DPY19L1: variants seen among roughly 807,000 people sequenced by gnomAD.
The protein encoded by DPY19L1 is dpy-19 like C-mannosyltransferase 1, also known as protein C-mannosyl-transferase DPY19L1.
In DPY19L1, 35 loss-of-function variants were observed where a neutral mutation model predicts 96.9. That is an observed-to-expected ratio of 0.36 (90% confidence interval 0.28 to 0.48). DPY19L1 has a LOEUF of 0.48. Ranked by LOEUF, DPY19L1 falls within the 20% of genes least tolerant of loss-of-function variation. DPY19L1 has a pLI of 0.99. For synonymous variants in DPY19L1, 205 were observed against 252.6 expected (o/e 0.81, Z 1.79); for missense variants, 521 against 777.9 (o/e 0.67, Z 3.93).
intron 18 of DPY19L1, 50 bp from the exon 19 acceptor site, chr7:34,940,377 C>T (rs781474361): frequency 2.7e-6 from 4 of 1,499,040 alleles, no homozygotes; most frequent in Non-Finnish European, 3.6e-6. Context: ...AAGTAGTATG[C>T]ATCTGTTATG....
chr7:34,934,764 T>C (rs1584196042), intron 21 of DPY19L1, among the ~76,000 whole-genome samples: 1 of 152,228 alleles, frequency 6.6e-6, no homozygotes, highest in Non-Finnish European at 1.5e-5. Flanking sequence ...GAGAATCTAA[T>C]GCTGCCACTC....
At chr7:35,001,268 T>C (rs1052335673) in intron 6 of DPY19L1, among the ~76,000 whole-genome samples, 4 of 152,252 alleles carry the variant, frequency 2.6e-5, no homozygotes, top group Admixed American at 1.3e-4. Context: ...ACTTCCTAAA[T>C]TGGTAAACGC....
intron 21 of DPY19L1, among the ~76,000 whole-genome samples, chr7:34,937,148 A>T (rs1388469036): frequency 1.3e-5 from 2 of 152,234 alleles, no homozygotes; most frequent in Non-Finnish European, 2.9e-5. Context: ...TGCTTTGAAG[A>T]TCTTACTGTC....
rs538344518 is a variant in DPY19L1 at position 34,943,980 on chromosome 7, C to A, written c.1545-1341G>T. 6.8e-4 allele frequency among the ~76,000 whole-genome samples: 103 copies of A among 152,196 alleles called. 1 individual carries two copies. The highest frequency in any genetic ancestry group is 2.3e-3 in the African/African-American group (97 of 41,540). Reference sequence around the variant, plus strand: ...TTGTTTCTAAATGAGAACAAGGATTCTCTCAGGAGTATGTGCAATAATTTA... The same window carrying A: ...TTGTTTCTAAATGAGAACAAGGATTATCTCAGGAGTATGTGCAATAATTTA... On this transcript the variant is annotated intron_variant, in intron 16 of 21. Transcript: ENST00000638088.
intron 10 of DPY19L1, among the ~76,000 whole-genome samples, chr7:34,960,514 AGTTT>A (rs1448004058): frequency 6.6e-6 from 1 of 152,122 alleles, no homozygotes; most frequent in Non-Finnish European, 1.5e-5. Context: ...TTCCAGTAGT[AGTTT>A]ATTTGGATTT....
chr7:34,960,410 T>C (rs1784477311), intron 10 of DPY19L1, among the ~76,000 whole-genome samples: 1 of 152,130 alleles, frequency 6.6e-6, no homozygotes, highest in Admixed American at 6.5e-5. Flanking sequence ...AGCATATTAT[T>C]TTTGCTGCTG....
At chr7:35,005,863 G>A (rs1785543333) in intron 6 of DPY19L1, among the ~76,000 whole-genome samples, 1 of 151,978 alleles carries the variant, frequency 6.6e-6, no homozygotes, top group Non-Finnish European at 1.5e-5. Context: ...GAAGGTAAGG[G>A]ATGAACACAT....
At chr7:34,993,438 G>C (rs1157740152) in intron 6 of DPY19L1, among the ~76,000 whole-genome samples, 1 of 72,478 alleles carries the variant, frequency 1.4e-5, no homozygotes, top group Admixed American at 1.7e-4. Flanking sequence ...ACTTAATTCT[G>C]TATTTTTTTT....
At chr7:35,012,823 A>G (rs1346127053) in intron 4 of DPY19L1, among the ~76,000 whole-genome samples, 1 of 152,138 alleles carries the variant, frequency 6.6e-6, no homozygotes, top group Non-Finnish European at 1.5e-5. Context: ...TCCAGTATAT[A>G]ATAAATGAAC....
chr7:35,030,389 AC>A (rs1786231493), intron 1 of DPY19L1, among the ~76,000 whole-genome samples: 1 of 152,234 alleles, frequency 6.6e-6, no homozygotes, highest in African/African-American at 2.4e-5. Context: ...TGGTCAAGTG[AC>A]TTATAAACTG....
chr7:34,992,366 T>C (rs116924590), intron 6 of DPY19L1, among the ~76,000 whole-genome samples: 1,768 of 152,254 alleles, frequency 0.012, 17 homozygotes, highest in Non-Finnish European at 0.019. Flanking sequence ...GAAAATAACA[T>C]TTAAAAGCTG....
chr7:34,947,565 C>T (rs1034265482), intron 15 of DPY19L1, 65 bp downstream of exon 15: 41 of 1,398,666 alleles, frequency 2.9e-5, no homozygotes, highest in East Asian at 2.1e-4. Context: ...CAAGTATATG[C>T]GACTACTATG....
intron 6 of DPY19L1, among the ~76,000 whole-genome samples, chr7:34,994,270 T>A (rs1785235578): frequency 6.6e-6 from 1 of 152,000 alleles, no homozygotes; most frequent in Non-Finnish European, 1.5e-5. Context: ...TATACAGAGA[T>A]TACACATCAT....
At chr7:34,937,701 A>C (rs1783899918) in intron 21 of DPY19L1, among the ~76,000 whole-genome samples, 1 of 152,204 alleles carries the variant, frequency 6.6e-6, no homozygotes. Flanking sequence ...TGGGAGGCCA[A>C]GGCAGGAGTA....
At chr7:34,955,447 A>G in intron 11 of DPY19L1, 80 bp from the exon 12 acceptor site, 3 of 1,546,356 alleles carry the variant, frequency 1.9e-6, no homozygotes, top group Non-Finnish European at 8.8e-7. Context: ...TCTTCTAAAT[A>G]ATAAGATTCT....
At position 34,968,768 on chromosome 7, in the gene DPY19L1, C is replaced by CAAAAAAAAAA; in HGVS notation, c.1014+655_1014+664dup. 2.2e-4 allele frequency among the ~76,000 whole-genome samples: 2 copies of CAAAAAAAAAA among 8,898 alleles called. 1 individual carries two copies. Among genetic ancestry groups the CAAAAAAAAAA allele is most frequent in the Non-Finnish European group, 4.2e-4 (2 of 4,736 alleles). The allele number at this position is 8,898 out of a possible 152,430, so 5.8% of individuals were successfully genotyped here. On this transcript the variant is annotated intron_variant, in intron 9 of 21. Coordinates refer to ENST00000638088, the MANE Select transcript of DPY19L1 (RefSeq NM_001366673.1). ...TGGGCGACAGAGAAAGACTCCATCG[C>CAAAAAAAAAA]AAAAAAAAAAAAAAAAAAAAAAAAA...
chr7:34,938,687 A>G (rs1012080528), intron 20 of DPY19L1, among the ~76,000 whole-genome samples: 7 of 152,186 alleles, frequency 4.6e-5, no homozygotes, highest in Admixed American at 6.5e-5. Flanking sequence ...AGATTCACCT[A>G]ATCACTTAGA....
intron 6 of DPY19L1, among the ~76,000 whole-genome samples, chr7:35,008,842 A>G (rs1185360266): frequency 6.6e-6 from 1 of 152,244 alleles, no homozygotes; most frequent in Non-Finnish European, 1.5e-5. Context: ...GGCAGTACTC[A>G]GCAAAATGAA....
intron 7 of DPY19L1, among the ~76,000 whole-genome samples, chr7:34,982,391 G>A (rs1400473498): frequency 1.3e-5 from 2 of 152,166 alleles, no homozygotes; most frequent in South Asian, 2.1e-4. Context: ...AAATGTCTGT[G>A]TCAGTGTTTG....
Sources: gnomAD v4.1 joint callset for allele counts (sites outside exome capture counted in the v4.1 genomes callset) on GRCh38, gnomAD v4.1.1 for gene constraint, MANE v1.5 for transcripts, NCBI Gene and HGNC (gene_info 2026-07-23, HGNC 2026-07-21) for gene names.